ARID5B: variants seen among roughly 807,000 people sequenced by gnomAD.
ARID5B encodes the protein AT-rich interactive domain-containing protein 5B.
In ARID5B, 13 loss-of-function variants were observed where a neutral mutation model predicts 97.2. The ratio of observed to expected loss-of-function variants is 0.13; its 90% CI spans 0.09 to 0.21. The LOEUF is 0.21. Ranked by LOEUF, ARID5B falls within the 10% of genes least tolerant of loss-of-function variation. The pLI is 1.00. For missense variants in ARID5B, 1,210 were observed against 1,465.3 expected (o/e 0.83, Z 2.84); for synonymous variants, 556 against 570.3 (o/e 0.97, Z 0.36).
At chr10:61,978,322 T>A (rs10994992) in intron 3 of ARID5B, among the ~76,000 whole-genome samples, 17,145 of 152,146 alleles carry the variant, frequency 0.11, 1,165 homozygotes, top group African/African-American at 0.2. Flanking sequence ...CTTTTGGCTT[T>A]GAATTGACTT....
rs538388144 is a variant in ARID5B, at chr10:62,091,918, C to G, written c.2455C>G (p.Leu819Val). The G allele has an allele frequency of 1.1e-4, 171 of 1,613,932 alleles. 2 individuals carry two copies. In the South Asian group the frequency reaches 1.8e-3, roughly 17 times the overall value. The stretch of plus-strand genomic sequence containing the variant: ...GGATAAACTCTTAGAGAAAAGGGCC[C>G]TCCCCCATTCCCACATGCCTAGCTT... ...GKDKLLEKRA[L>V]PHSHMPSFLA... Residue 819 changes from leucine (L) to valine (V), a missense_variant, in exon 10 of 10, where the codon CTC becomes GTC. Coordinates refer to ENST00000279873, the MANE Select transcript of ARID5B (RefSeq NM_032199.3).
chr10:61,975,116 A>G (rs114020350), intron 3 of ARID5B, among the ~76,000 whole-genome samples: 177 of 152,298 alleles, frequency 1.2e-3, no homozygotes, highest in African/African-American at 4.1e-3. Flanking sequence ...TGTTCTATAA[A>G]TAAAGAATTC....
chr10:61,974,764 G>C (rs549841572), intron 3 of ARID5B, among the ~76,000 whole-genome samples: 1 of 152,276 alleles, frequency 6.6e-6, no homozygotes, highest in South Asian at 2.1e-4. Context: ...CTAGTGCTTG[G>C]CTGCTTGCCA....
At chr10:61,911,434 A>G (rs1391380789) in intron 2 of ARID5B, among the ~76,000 whole-genome samples, 4 of 152,202 alleles carry the variant, frequency 2.6e-5, no homozygotes, top group Non-Finnish European at 5.9e-5. Flanking sequence ...TATAAAGTAT[A>G]TGCTGTTCAA....
intron 2 of ARID5B, among the ~76,000 whole-genome samples, chr10:61,932,324 A>T (rs1394362137): frequency 1.3e-5 from 2 of 151,882 alleles, no homozygotes; most frequent in Non-Finnish European, 2.9e-5. Flanking sequence ...TCTGGGCTTG[A>T]TGTTGATGGC....
chr10:61,972,299 C>G (rs536949278), intron 3 of ARID5B, among the ~76,000 whole-genome samples: 1 of 146,736 alleles, frequency 6.8e-6, no homozygotes, highest in South Asian at 2.1e-4. Flanking sequence ...GCCATCTCAG[C>G]TCACTGCAAC....
At chr10:62,019,763 C>T (rs978455089) in intron 4 of ARID5B, among the ~76,000 whole-genome samples, 3 of 152,210 alleles carry the variant, frequency 2.0e-5, no homozygotes, top group Admixed American at 2.0e-4. Flanking sequence ...TTGTTTCAGC[C>T]TTCCATCATA....
chr10:61,936,048 C>T (rs1490511457), intron 2 of ARID5B, among the ~76,000 whole-genome samples: 1 of 152,172 alleles, frequency 6.6e-6, no homozygotes, highest in African/African-American at 2.4e-5. Flanking sequence ...ACCCTGTGGA[C>T]CATCTGAAAT....
chr10:61,901,748 G>T lies in ARID5B; in HGVS notation c.21+18G>T. 6.2e-7 allele frequency: 1 copy of T among 1,612,992 alleles called. No homozygotes were observed. Among genetic ancestry groups the T allele is most frequent in the South Asian group, 1.1e-5 (1 of 91,026 alleles). On this transcript the variant is annotated intron_variant, in intron 1 of 9. Coordinates refer to ENST00000279873, the MANE Select transcript of ARID5B (RefSeq NM_032199.3). ...CACTCCAGGTATTTCGCTCTCCTCC[G>T]CTCCTCCGATCCCGGCACCCCCCGG...
chr10:61,963,154 T>C (rs1838495773), intron 3 of ARID5B, among the ~76,000 whole-genome samples: 1 of 152,206 alleles, frequency 6.6e-6, no homozygotes, highest in Non-Finnish European at 1.5e-5. Flanking sequence ...ATAGAAAATA[T>C]TCTTAAAGAA....
chr10:61,985,482 AT>A (rs1838834835), intron 3 of ARID5B, among the ~76,000 whole-genome samples: 2 of 151,836 alleles, frequency 1.3e-5, no homozygotes, highest in Admixed American at 6.6e-5. Context: ...TTAACCACAT[AT>A]TATGTTAATC....
intron 1 of ARID5B, 145 bp downstream of exon 1, chr10:61,901,875 T>C (rs746172384): frequency 2.4e-5 from 18 of 741,944 alleles, no homozygotes; most frequent in Non-Finnish European, 3.2e-5. Flanking sequence ...AAATCATTTT[T>C]ATTGTTTAAA....
rs191194963 is a variant in ARID5B, at chr10:62,049,222, T to C, written c.734-1666T>C. On this transcript the variant is annotated intron_variant, in intron 4 of 9. Transcript: ENST00000279873. ...GAGGTGGAGAGAGCAGAGCCCTCCC[T>C]GCCAGTCTGGCAACTCCAGCAAAGT... 1.2e-4 allele frequency: 169 copies of C among 1,360,570 alleles called. No homozygotes were observed. The East Asian group carries it at 4.5e-3, about 36-fold the overall frequency. 84.3% of individuals were successfully genotyped at this position (1,360,570 alleles called of 1,614,324 possible).
chr10:61,964,111 G>A (rs932117542), intron 3 of ARID5B, among the ~76,000 whole-genome samples: 1 of 152,178 alleles, frequency 6.6e-6, no homozygotes, highest in African/African-American at 2.4e-5. Flanking sequence ...ATTAGCAACT[G>A]TAGGGAATAG....
intron 3 of ARID5B, among the ~76,000 whole-genome samples, chr10:61,980,774 C>T (rs1838766260): frequency 6.6e-6 from 1 of 152,184 alleles, no homozygotes; most frequent in Admixed American, 6.5e-5. Flanking sequence ...CCCCTTCTGC[C>T]TCCTCCAAAA....
intron 4 of ARID5B, among the ~76,000 whole-genome samples, chr10:62,028,583 A>G (rs1227487252): frequency 6.6e-6 from 1 of 152,138 alleles, no homozygotes; most frequent in South Asian, 2.1e-4. Context: ...CAGTTTCCTC[A>G]TTTCTAAATT....
At chr10:61,954,868 T>C (rs534104248) in intron 3 of ARID5B, among the ~76,000 whole-genome samples, 53 of 152,122 alleles carry the variant, frequency 3.5e-4, no homozygotes, top group Non-Finnish European at 6.3e-4. Flanking sequence ...TAGCTTGGCA[T>C]GGTGGTGCAT....
At chr10:61,919,044 C>T (rs867503137) in intron 2 of ARID5B, among the ~76,000 whole-genome samples, 2 of 113,788 alleles carry the variant, frequency 1.8e-5, no homozygotes, top group South Asian at 7.2e-4. Context: ...CGTCCCCCCC[C>T]CCCCCCCCAA....
chr10:61,953,074 C>T (rs1035104010), intron 3 of ARID5B, among the ~76,000 whole-genome samples: 4 of 151,846 alleles, frequency 2.6e-5, no homozygotes, highest in African/African-American at 9.7e-5. Flanking sequence ...GATTGTAGCA[C>T]GACATCTAGT....
Sources: allele counts gnomAD v4.1 joint callset (sites outside exome capture counted in the v4.1 genomes callset), GRCh38; gene constraint gnomAD v4.1.1; transcripts MANE v1.5; gene names NCBI Gene and HGNC (gene_info 2026-07-23, HGNC 2026-07-21).